The following RTN4RL1 variants were observed in gnomAD, a reference collection of about 807,000 sequenced individuals.
The protein encoded by RTN4RL1 is reticulon-4 receptor-like 1.
In RTN4RL1, 7 loss-of-function variants were observed where a neutral mutation model predicts 25.6. The ratio of observed to expected loss-of-function variants is 0.27; its 90% CI spans 0.16 to 0.51. The LOEUF (loss-of-function observed/expected upper bound fraction) is 0.51. Ranked by LOEUF, RTN4RL1 falls within the 20% of genes least tolerant of loss-of-function variation. The pLI is 0.97. For synonymous variants in RTN4RL1, 297 were observed against 288.2 expected (o/e 1.03, Z -0.31); for missense variants, 500 against 615.6 (o/e 0.81, Z 1.99).
At chr17:2,018,836 C>T (rs2067161417) in intron 1 of RTN4RL1, 1 of 152,488 alleles carries the variant, frequency 6.6e-6, no homozygotes, top group Non-Finnish European at 1.5e-5. Flanking sequence ...GAGGCTGTAA[C>T]AAGTGCTCAG....
chr17:1,952,175 C>T (rs1279992472), intron 1 of RTN4RL1, among the ~76,000 whole-genome samples: 1 of 152,084 alleles, frequency 6.6e-6, no homozygotes, highest in Non-Finnish European at 1.5e-5. Flanking sequence ...AAGTAAGTCA[C>T]GGGGTCCAGC....
intron 1 of RTN4RL1, among the ~76,000 whole-genome samples, chr17:1,945,738 C>T (rs912172526): frequency 6.6e-6 from 1 of 152,222 alleles, no homozygotes. Context: ...TCCATCTCTC[C>T]GCACTGAGTG....
In RTN4RL1 at chr17:1,935,749, A is replaced by AG; in HGVS notation, c.*746_*747insC. 3 of 288,468 alleles carry AG rather than the reference A, an allele frequency of 1.0e-5. No homozygotes were observed. The highest frequency in any genetic ancestry group is 1.5e-5 in the Non-Finnish European group (3 of 201,132). 17.9% of individuals were successfully genotyped at this position (288,468 alleles called of 1,614,324 possible). On this transcript the variant is annotated 3_prime_UTR_variant, in exon 2 of 2. Coordinates refer to ENST00000331238, the MANE Select transcript of RTN4RL1 (RefSeq NM_178568.4). ...TATATATATATATATATATATATAT[A>AG]TATATGTAGAGTGTGAATATATATA...
chr17:1,940,784 GA>G (rs1217120599), intron 1 of RTN4RL1, among the ~76,000 whole-genome samples: 1 of 152,114 alleles, frequency 6.6e-6, no homozygotes, highest in Admixed American at 6.5e-5. Context: ...GCACCTGTAG[GA>G]AGCTTCCTCC....
At chr17:2,019,749 T>TA (rs1347859479) in intron 1 of RTN4RL1, 1 of 152,266 alleles carries the variant, frequency 6.6e-6, no homozygotes, top group Admixed American at 6.5e-5. Context: ...AGTTCACTCC[T>TA]ACTGTGGAGG....
chr17:1,976,535 C>T (rs1335689240), intron 1 of RTN4RL1, among the ~76,000 whole-genome samples: 4 of 152,218 alleles, frequency 2.6e-5, no homozygotes, highest in Non-Finnish European at 4.4e-5. Flanking sequence ...CACTCAGCAG[C>T]AGTGTGACTT....
At position 1,936,590 on chromosome 17, in the gene RTN4RL1, C is replaced by G; in HGVS notation, c.1232G>C (p.Arg411Pro). 6.3e-7 allele frequency: 1 copy of G among 1,578,994 alleles called. No homozygotes were observed. The change falls in exon 2 of 2, where the codon CGT becomes CCT. Residue 411 changes from arginine (R) to proline (P), a missense_variant. Arg to Pro is a moderately radical substitution (Grantham distance 103). This residue lies in a region of RTN4RL1 where 268 missense variants were observed against 274.5 expected (regional missense o/e 0.98). Transcript: ENST00000331238. ...KGKCARRTPI[R>P]APSGVQQASS... Reference sequence around the variant, plus strand: ...GGCCTGCTGCACCCCGCTGGGGGCACGGATGGGGGTCCTGCGGGCACACTT... The same window carrying G: ...GGCCTGCTGCACCCCGCTGGGGGCAGGGATGGGGGTCCTGCGGGCACACTT...
rs576538579 is a variant in RTN4RL1, at chr17:1,955,096, A to G, written c.14-17288T>C. On this transcript the variant is annotated intron_variant, in intron 1 of 1. Transcript: ENST00000331238. ...TCAGCCTGAGCGCCGCCCTTTCACT[A>G]GGGACCTACCTCTCACCAGCCACGA... is the stretch of plus-strand genomic sequence containing the variant. 2.0e-5 allele frequency among the ~76,000 whole-genome samples: 3 copies of G among 152,136 alleles called. No individual in the cohort carries two copies. The East Asian group carries it at 5.8e-4, about 29-fold the overall frequency.
rs943818249 is a variant in RTN4RL1, at chr17:1,984,106, A to G, written c.13+40747T>C. ...TTCCCTTCCCCCATTTAGTCACAAT[A>G]TCACAGAGTCCAAAGAAATTCTTGA... On this transcript the variant is annotated intron_variant, in intron 1 of 1. Transcript: ENST00000331238. 2.2e-4 allele frequency among the ~76,000 whole-genome samples: 33 copies of G among 152,326 alleles called. 1 individual carries two copies. The highest frequency in any genetic ancestry group is 7.7e-4 in the African/African-American group (32 of 41,562).
intron 1 of RTN4RL1, among the ~76,000 whole-genome samples, chr17:1,963,506 C>T (rs769617186): frequency 5.3e-5 from 8 of 152,328 alleles, no homozygotes; most frequent in African/African-American, 1.4e-4. Context: ...CCCTACTGCC[C>T]GCCACCTTCA....
intron 1 of RTN4RL1, among the ~76,000 whole-genome samples, chr17:2,006,707 G>A (rs1373826347): frequency 1.3e-5 from 2 of 152,208 alleles, no homozygotes; most frequent in East Asian, 1.9e-4. Context: ...TGCAACTTCC[G>A]CCTCCCGGCT....
intron 1 of RTN4RL1, among the ~76,000 whole-genome samples, chr17:1,952,650 C>G (rs766596310): frequency 4.9e-4 from 74 of 151,600 alleles, no homozygotes; most frequent in Non-Finnish European, 8.8e-4. Flanking sequence ...GCCTCTCCTC[C>G]CCCATTTTCA....
In RTN4RL1 at chr17:1,994,314, G is replaced by C. The variant is rs947055176; in HGVS notation, c.13+30539C>G. On this transcript the variant is annotated intron_variant, in intron 1 of 1. Coordinates refer to ENST00000331238, the MANE Select transcript of RTN4RL1 (RefSeq NM_178568.4). This position sits in a 1 kb window ranked among gnomAD's most constrained non-coding sequence, Gnocchi z 4.3. ...TCCAGGGACAGGGGGCCAGCAACTA[G>C]ATGCCTTGGGGGCACAGCCATGTCT... Among the ~76,000 whole-genome samples the C allele has an allele frequency of 1.3e-5, 2 of 151,986 alleles. No homozygotes were observed. The highest frequency in any genetic ancestry group is 2.9e-5 in the Non-Finnish European group (2 of 67,994).
chr17:2,018,218 A>C lies in RTN4RL1; in HGVS notation c.13+6635T>G, dbSNP rs1393360066. On this transcript the variant is annotated intron_variant, in intron 1 of 1. Transcript: ENST00000331238. ...ACCCTGGAGGGAAGCCAGGGAGAGC[A>C]AACCATGGGGAGGGCTGAGATCCCA... 2.0e-5 allele frequency: 3 copies of C among 152,540 alleles called. No individual in the cohort carries two copies. In the East Asian group the frequency reaches 5.8e-4, roughly 29 times the overall value. 9.4% of individuals were successfully genotyped at this position (152,540 alleles called of 1,614,324 possible). A position where few individuals can be genotyped will look rare whatever the true frequency, so the allele number is the denominator to read the frequency against.
chr17:2,022,834 GAAGA>G (rs911624686), intron 1 of RTN4RL1, among the ~76,000 whole-genome samples: 2 of 152,202 alleles, frequency 1.3e-5, no homozygotes, highest in African/African-American at 2.4e-5. Flanking sequence ...GTGCAGGAAG[GAAGA>G]AACAGCCCGA....
At chr17:2,003,369 G>A (rs2066971923) in intron 1 of RTN4RL1, 1 of 152,278 alleles carries the variant, frequency 6.6e-6, no homozygotes, top group African/African-American at 2.4e-5. Context: ...CCACCGAGAA[G>A]AGGACTGTGG....
intron 1 of RTN4RL1, among the ~76,000 whole-genome samples, chr17:1,996,509 AC>A (rs1311672142): frequency 2.0e-5 from 3 of 149,018 alleles, no homozygotes; most frequent in African/African-American, 7.4e-5. Context: ...GATCCTTGTG[AC>A]CCCCCTCTTC....
At chr17:1,999,963 A>C (rs2066949738) in intron 1 of RTN4RL1, among the ~76,000 whole-genome samples, 1 of 152,186 alleles carries the variant, frequency 6.6e-6, no homozygotes, top group African/African-American at 2.4e-5. Context: ...CCAGGTGGCC[A>C]AGTGCTGACC....
chr17:1,985,557 G>A (rs144010076), intron 1 of RTN4RL1, among the ~76,000 whole-genome samples: 157 of 152,262 alleles, frequency 1.0e-3, no homozygotes, highest in Non-Finnish European at 1.8e-3. Flanking sequence ...TTACATTCCC[G>A]GCTTTAAAAG....
Sources: gnomAD v4.1 joint callset for allele counts (sites outside exome capture counted in the v4.1 genomes callset) on GRCh38, gnomAD v4.1.1 for gene constraint, gnomAD v4.1.1 regional missense constraint, Gnocchi (gnomAD v3.1) non-coding constraint, MANE v1.5 for transcripts, NCBI Gene and HGNC (gene_info 2026-07-23, HGNC 2026-07-21) for gene names.